The following GID4 variants were observed in gnomAD, a reference collection of about 807,000 sequenced individuals.
GID4 encodes the protein GID complex subunit 4 homolog, also known as glucose-induced degradation protein 4 homolog.
Under a neutral mutation model 32.4 loss-of-function variants are expected in GID4, and 7 were observed. The ratio of observed to expected loss-of-function variants is 0.22; its 90% CI spans 0.12 to 0.41. The LOEUF (loss-of-function observed/expected upper bound fraction) is 0.41. Among genes scored for constraint, GID4 ranks in the 10% least tolerant of loss-of-function variants. The pLI is 1.00. For missense variants in GID4, 309 were observed against 400.0 expected (o/e 0.77, Z 1.94); for synonymous variants, 166 against 170.0 (o/e 0.98, Z 0.18).
chr17:18,044,683 G>A (rs2044835848), intron 1 of GID4, among the ~76,000 whole-genome samples: 1 of 152,152 alleles, frequency 6.6e-6, no homozygotes, highest in Non-Finnish European at 1.5e-5. Context: ...AACTAGAAGA[G>A]GAGCAGACCT....
At chr17:18,052,132 G>C (rs1431737659) in intron 2 of GID4, among the ~76,000 whole-genome samples, 3 of 151,644 alleles carry the variant, frequency 2.0e-5, no homozygotes, top group Non-Finnish European at 4.4e-5. Flanking sequence ...TTTACATTTA[G>C]GAAAATTTCT....
chr17:18,039,781 C>T lies in GID4; in HGVS notation c.317C>T (p.Pro106Leu). 1 of 1,574,824 alleles carries T rather than the reference C, an allele frequency of 6.3e-7. No homozygotes were observed. The highest frequency in any genetic ancestry group is 8.6e-7 in the Non-Finnish European group (1 of 1,162,438). The change falls in exon 1 of 6, where the codon CCG (proline) becomes CTG (leucine). Residue 106 changes from proline (P) to leucine (L), a missense_variant. This residue lies in a region of GID4 where 193 missense variants were observed against 185.8 expected (regional missense o/e 1.04). Coordinates refer to ENST00000268719, the MANE Select transcript of GID4 (RefSeq NM_024052.5). This position sits in a 1 kb window ranked among gnomAD's most constrained non-coding sequence, Gnocchi z 5.3. ...ASAASAASLI[P>L]PPPINTQQPG... is the part of the protein sequence containing the mutation. ...GCTGCCTCCGCGGCCTCACTCATCC[C>T]GCCGCCGCCCATCAACACCCAGCAG...
intron 4 of GID4, among the ~76,000 whole-genome samples, 199 bp downstream of exon 4, chr17:18,059,168 T>C (rs2044997152): frequency 6.6e-6 from 1 of 152,204 alleles, no homozygotes; most frequent in South Asian, 2.1e-4. Context: ...TAACTGCCGA[T>C]GTCCCAGACA....
At chr17:18,041,035 A>G (rs2955380) in intron 1 of GID4, among the ~76,000 whole-genome samples, 90,194 of 151,690 alleles carry the variant, frequency 0.59, 27,958 homozygotes, top group Non-Finnish European at 0.68. Flanking sequence ...CCCTCCCCAC[A>G]AAACTCTTCC....
chr17:18,056,792 A>G (rs1421473749), intron 3 of GID4: 3 of 1,550,620 alleles, frequency 1.9e-6, no homozygotes, highest in Non-Finnish European at 2.6e-6. Flanking sequence ...CACCCTTGGT[A>G]CTGGCATGTG....
At chr17:18,041,983 A>G (rs2044807998) in intron 1 of GID4, among the ~76,000 whole-genome samples, 1 of 152,170 alleles carries the variant, frequency 6.6e-6, no homozygotes. Context: ...ATGCTGCCCT[A>G]CATCTGGATT....
chr17:18,048,050 G>C lies in GID4; in HGVS notation c.498+2844G>C, dbSNP rs1052129185. Among the ~76,000 whole-genome samples, 4 of 151,448 alleles carry C rather than the reference G, an allele frequency of 2.6e-5. No homozygotes were observed. In the South Asian group the frequency reaches 8.4e-4, roughly 32 times the overall value. The stretch of plus-strand genomic sequence containing the variant: ...CGAGTAGCTGGGACTACAGGTGCCC[G>C]CCACCACACCCGGCTAATTTTTTTG... On this transcript the variant is annotated intron_variant, in intron 2 of 5. Coordinates refer to ENST00000268719, the MANE Select transcript of GID4 (RefSeq NM_024052.5).
chr17:18,041,839 T>G (rs1194719167), intron 1 of GID4, among the ~76,000 whole-genome samples: 1 of 152,240 alleles, frequency 6.6e-6, no homozygotes, highest in Non-Finnish European at 1.5e-5. Flanking sequence ...AGGAGAATCA[T>G]GAACCAGGGG....
chr17:18,059,001 C>A, intron 4 of GID4, 32 bp downstream of exon 4: 1 of 1,258,576 alleles, frequency 7.9e-7, no homozygotes. Context: ...CTCCAGACTC[C>A]CAGCAAGCCA....
chr17:18,064,751 C>G (rs1275831015), intron 5 of GID4, among the ~76,000 whole-genome samples: 1 of 152,116 alleles, frequency 6.6e-6, no homozygotes, highest in Non-Finnish European at 1.5e-5. Flanking sequence ...TCTACGCTCT[C>G]TTTAGATACC....
chr17:18,045,297 T>A, intron 2 of GID4, 91 bp downstream of exon 2: 1 of 908,686 alleles, frequency 1.1e-6, no homozygotes, highest in Non-Finnish European at 1.8e-6. Flanking sequence ...CTCAACTCCT[T>A]GAGGCCTAAT....
At chr17:18,065,094 G>C (rs1375435700) in intron 5 of GID4, 86 bp from the exon 6 acceptor site, 6 of 915,100 alleles carry the variant, frequency 6.6e-6, no homozygotes, top group Non-Finnish European at 1.1e-5. Context: ...CTTGTTGGGT[G>C]CTCTGCTTTT....
At chr17:18,041,591 G>A (rs1451410689) in intron 1 of GID4, among the ~76,000 whole-genome samples, 5 of 152,138 alleles carry the variant, frequency 3.3e-5, no homozygotes, top group African/African-American at 1.2e-4. Flanking sequence ...GAGTATGAAG[G>A]TACAGGGGTT....
At chr17:18,064,333 A>G (rs574290684) in intron 5 of GID4, among the ~76,000 whole-genome samples, 1 of 152,290 alleles carries the variant, frequency 6.6e-6, no homozygotes, top group Non-Finnish European at 1.5e-5. Context: ...ACTTGTTATC[A>G]TGTCTCTATA....
chr17:18,060,752 T>C (rs1356966671), intron 4 of GID4, among the ~76,000 whole-genome samples: 1 of 150,432 alleles, frequency 6.6e-6, no homozygotes, highest in Non-Finnish European at 1.5e-5. Flanking sequence ...TGTTTGTTTT[T>C]TGAGACAGTC....
chr17:18,043,275 G>A (rs903403188), intron 1 of GID4, among the ~76,000 whole-genome samples: 2 of 152,196 alleles, frequency 1.3e-5, no homozygotes, highest in Non-Finnish European at 2.9e-5. Context: ...AGAGACGCTT[G>A]GTTGAATGGA....
rs1037334601 is a variant in GID4, at chr17:18,065,895, G to T, written c.*652G>T. 2 of 152,354 alleles carry T rather than the reference G, an allele frequency of 1.3e-5. No individual in the cohort carries two copies. Among genetic ancestry groups the T allele is most frequent in the African/African-American group, 4.8e-5 (2 of 41,460 alleles). 9.4% of individuals were successfully genotyped at this position (152,354 alleles called of 1,614,324 possible). On this transcript the variant is annotated 3_prime_UTR_variant, in exon 6 of 6. Coordinates refer to ENST00000268719, the MANE Select transcript of GID4 (RefSeq NM_024052.5). ...AGTGAGTAGCTGTCAGGTTCCCTGG[G>T]CCTGCCATCAGGGATCACTAAATTT...
intron 2 of GID4, among the ~76,000 whole-genome samples, chr17:18,053,203 A>G (rs1307448194): frequency 6.7e-6 from 1 of 148,868 alleles, no homozygotes; most frequent in East Asian, 2.0e-4. Context: ...AGTAGAGATG[A>G]GGTTTCTCCA....
At chr17:18,054,076 T>G in intron 2 of GID4, 51 bp from the exon 3 acceptor site, 1 of 1,020,882 alleles carries the variant, frequency 9.8e-7, no homozygotes, top group Non-Finnish European at 1.5e-6. Flanking sequence ...TGTACAAAGG[T>G]TAAAAACTCT....
Sources: allele counts gnomAD v4.1 joint callset (sites outside exome capture counted in the v4.1 genomes callset), GRCh38; gene constraint gnomAD v4.1.1; regional missense constraint gnomAD v4.1.1; non-coding constraint Gnocchi (gnomAD v3.1); transcripts MANE v1.5; gene names NCBI Gene and HGNC (gene_info 2026-07-23, HGNC 2026-07-21).